Variants in PTPRG observed in about 807,000 individuals in gnomAD.
The protein encoded by PTPRG is receptor-type tyrosine-protein phosphatase gamma.
A neutral mutation model predicts 165.3 loss-of-function variants in PTPRG; 102 were observed. The observed-to-expected ratio is 0.62, with a 90% CI of 0.53 to 0.73. The LOEUF (loss-of-function observed/expected upper bound fraction) is 0.73, where lower values mean the gene tolerates loss of function less well. Ranked by LOEUF, PTPRG falls within the 30% of genes least tolerant of loss-of-function variation. The probability of loss-of-function intolerance (pLI) is 0.00; values close to 1 mark genes in which losing one functional copy is unlikely to be tolerated. For missense variants in PTPRG, 1,866 were observed against 1,861.4 expected (o/e 1.00, Z -0.05); for synonymous variants, 675 against 669.5 (o/e 1.01, Z -0.13).
intron 6 of PTPRG, among the ~76,000 whole-genome samples, chr3:62,135,375 G>C (rs1196467680): frequency 6.6e-6 from 1 of 152,082 alleles, no homozygotes; most frequent in Non-Finnish European, 1.5e-5. Context: ...TAATTTGAAG[G>C]AACATAAATA....
intron 2 of PTPRG, among the ~76,000 whole-genome samples, chr3:61,814,137 G>A (rs1490935798): frequency 6.6e-6 from 1 of 152,158 alleles, no homozygotes; most frequent in African/African-American, 2.4e-5. Flanking sequence ...CTGACCTCAG[G>A]CAATCTGCCC....
chr3:61,679,096 T>C lies in PTPRG; in HGVS notation c.86-69782T>C, dbSNP rs540763488. On this transcript the variant is annotated intron_variant, in intron 1 of 29. Coordinates refer to ENST00000474889, the MANE Select transcript of PTPRG (RefSeq NM_002841.4). The stretch of plus-strand genomic sequence containing the variant: ...GAGACTGGTAGAAACATGGCAAGAT[T>C]GGGCCACAGTCAAATCAGAGTCTGG... 2.0e-5 allele frequency among the ~76,000 whole-genome samples: 3 copies of C among 152,308 alleles called. No homozygotes were observed. The South Asian group carries it at 6.2e-4, about 32-fold the overall frequency.
intron 26 of PTPRG, 25 bp from the exon 27 acceptor site, chr3:62,281,538 C>CTTTTTTTTTTTTTTGTTTTTTTTTTTT: frequency 1.6e-6 from 1 of 620,524 alleles, no homozygotes; most frequent in Non-Finnish European, 2.1e-6. Flanking sequence ...ACTGCAGAGG[C>CTTTTTTTTTTTTTTGTTTTTTTTTTTT]TTTTTTTTTT....
intron 2 of PTPRG, among the ~76,000 whole-genome samples, chr3:61,913,027 T>A (rs2038840743): frequency 6.6e-6 from 1 of 152,236 alleles, no homozygotes; most frequent in Non-Finnish European, 1.5e-5. Flanking sequence ...AGGAGACCAA[T>A]GGCGGCTGCA....
chr3:61,562,142 G>A lies in PTPRG; in HGVS notation c.-146G>A. 1.8e-6 allele frequency: 1 copy of A among 559,080 alleles called. No individual in the cohort carries two copies. The highest frequency in any genetic ancestry group is 3.2e-6 in the Non-Finnish European group (1 of 314,760). The allele number at this position is 559,080 out of a possible 1,614,324, so 34.6% of individuals were successfully genotyped here. ...CGCTCGGCGGCTTCCCGGATTCCAA[G>A]GGGACTCGGGCCGCCGAGCGCGGGG... On this transcript the variant is annotated 5_prime_UTR_variant, in exon 1 of 30. Coordinates refer to ENST00000474889, the MANE Select transcript of PTPRG (RefSeq NM_002841.4).
At chr3:62,128,068 A>G (rs115901985) in intron 5 of PTPRG, among the ~76,000 whole-genome samples, 1,677 of 152,220 alleles carry the variant, frequency 0.011, 26 homozygotes, top group African/African-American at 0.038. Context: ...ATCTCTATAT[A>G]CTTTGGTTGT....
intron 2 of PTPRG, among the ~76,000 whole-genome samples, chr3:61,962,143 C>T (rs1421100920): frequency 6.6e-6 from 1 of 152,156 alleles, no homozygotes; most frequent in African/African-American, 2.4e-5. Flanking sequence ...TTAAGCTTCT[C>T]TAAGCCTAAG....
At chr3:61,967,999 G>A (rs889605117) in intron 2 of PTPRG, among the ~76,000 whole-genome samples, 1 of 152,120 alleles carries the variant, frequency 6.6e-6, no homozygotes, top group Non-Finnish European at 1.5e-5. Flanking sequence ...AGATAAAGGA[G>A]GGGAATATGG....
chr3:62,281,126 G>A (rs2148887605), intron 26 of PTPRG, among the ~76,000 whole-genome samples: 1 of 152,128 alleles, frequency 6.6e-6, no homozygotes, highest in African/African-American at 2.4e-5. Context: ...AAAACTTACA[G>A]TGTTTATGAA....
At chr3:61,766,058 T>G (rs1358029855) in intron 2 of PTPRG, among the ~76,000 whole-genome samples, 2 of 152,234 alleles carry the variant, frequency 1.3e-5, no homozygotes, top group African/African-American at 4.8e-5. Flanking sequence ...ACGTCTAATA[T>G]ATCTATCTCA....
intron 8 of PTPRG, among the ~76,000 whole-genome samples, chr3:62,188,822 GAT>G (rs1240777458): frequency 6.6e-6 from 1 of 152,080 alleles, no homozygotes; most frequent in Admixed American, 6.5e-5. Context: ...GGTGAGAAAA[GAT>G]AGAGAAGTTA....
chr3:62,189,022 C>T (rs1013492583), intron 8 of PTPRG, among the ~76,000 whole-genome samples: 25 of 152,030 alleles, frequency 1.6e-4, no homozygotes, highest in Admixed American at 6.6e-5. Flanking sequence ...AGTAGGTTGG[C>T]GCCACCTAGT....
At chr3:62,063,726 C>T (rs1250872262) in intron 4 of PTPRG, among the ~76,000 whole-genome samples, 2 of 152,146 alleles carry the variant, frequency 1.3e-5, no homozygotes, top group Admixed American at 6.6e-5. Context: ...TAGTCTTGAA[C>T]TGCTGGCTTC....
intron 4 of PTPRG, among the ~76,000 whole-genome samples, chr3:62,073,487 T>G (rs1032057444): frequency 1.1e-4 from 16 of 152,102 alleles, no homozygotes; most frequent in African/African-American, 2.9e-4. Context: ...GATATAAATT[T>G]TTTTTTTTTG....
At chr3:62,107,804 G>T (rs1416526195) in intron 5 of PTPRG, among the ~76,000 whole-genome samples, 1 of 150,262 alleles carries the variant, frequency 6.7e-6, no homozygotes. Context: ...GCTAGCCAAT[G>T]TACTAACTAC....
intron 14 of PTPRG, among the ~76,000 whole-genome samples, chr3:62,232,651 T>G (rs1700930927): frequency 6.6e-6 from 1 of 152,218 alleles, no homozygotes; most frequent in Non-Finnish European, 1.5e-5. Flanking sequence ...GCCAGACTAT[T>G]TCTTTTATGT....
chr3:61,635,993 G>A (rs1431653857), intron 1 of PTPRG, among the ~76,000 whole-genome samples: 2 of 152,098 alleles, frequency 1.3e-5, no homozygotes, highest in African/African-American at 4.8e-5. Flanking sequence ...GCCTCTGCTT[G>A]AATGCTTCTA....
At chr3:61,873,256 C>T (rs2037632369) in intron 2 of PTPRG, among the ~76,000 whole-genome samples, 2 of 152,144 alleles carry the variant, frequency 1.3e-5, no homozygotes, top group Admixed American at 6.5e-5. Flanking sequence ...ATTCACCAGG[C>T]AGTAGGTGAA....
chr3:61,915,778 G>A (rs1271781384), intron 2 of PTPRG, among the ~76,000 whole-genome samples: 1 of 152,078 alleles, frequency 6.6e-6, no homozygotes, highest in Admixed American at 6.5e-5. Context: ...AATCACAGAG[G>A]GTAAGATTGG....
Sources: gnomAD v4.1 joint callset for allele counts (sites outside exome capture counted in the v4.1 genomes callset) on GRCh38, gnomAD v4.1.1 for gene constraint, MANE v1.5 for transcripts, NCBI Gene and HGNC (gene_info 2026-07-23, HGNC 2026-07-21) for gene names.